The following MTSS1 variants were observed in gnomAD, a reference collection of about 807,000 sequenced individuals.
MTSS1 encodes the protein MTSS I-BAR domain containing 1.
A neutral mutation model predicts 79.0 loss-of-function variants in MTSS1; 18 were observed. The observed-to-expected ratio is 0.23, with a 90% CI of 0.16 to 0.34. The LOEUF is 0.34. Ranked by LOEUF, MTSS1 falls within the 10% of genes least tolerant of loss-of-function variation. MTSS1 has a pLI of 1.00. For missense variants in MTSS1, 815 were observed against 986.2 expected (o/e 0.83, Z 2.33); for synonymous variants, 341 against 368.6 (o/e 0.93, Z 0.86).
At chr8:124,608,486 A>G (rs113174012) in intron 3 of MTSS1, among the ~76,000 whole-genome samples, 2,217 of 152,310 alleles carry the variant, frequency 0.015, 47 homozygotes, top group African/African-American at 0.05. Context: ...GCAGAGAACC[A>G]GTAGGGTCTG....
intron 1 of MTSS1, among the ~76,000 whole-genome samples, chr8:124,712,003 C>T (rs1384630541): frequency 6.9e-6 from 1 of 144,214 alleles, no homozygotes; most frequent in Non-Finnish European, 1.5e-5. Context: ...GCGAGACTGT[C>T]TCAGAAAAAA....
At chr8:124,680,009 ATTTTT>A (rs35099970) in intron 3 of MTSS1, among the ~76,000 whole-genome samples, 1 of 149,342 alleles carries the variant, frequency 6.7e-6, no homozygotes, top group Non-Finnish European at 1.5e-5. Flanking sequence ...CTTCTCCAGA[ATTTTT>A]TTTTTTAATA....
At chr8:124,639,679 G>C (rs1165726484) in intron 3 of MTSS1, among the ~76,000 whole-genome samples, 2 of 152,066 alleles carry the variant, frequency 1.3e-5, no homozygotes, top group Non-Finnish European at 2.9e-5. Flanking sequence ...GCCCAGGCTG[G>C]TTTTGAACTC....
intron 3 of MTSS1, among the ~76,000 whole-genome samples, chr8:124,681,558 C>T (rs1029861193): frequency 1.3e-5 from 2 of 152,130 alleles, no homozygotes; most frequent in South Asian, 2.1e-4. Context: ...GAGGCCAAGG[C>T]GGGTGCATAA....
At chr8:124,613,713 T>C (rs1421881103) in intron 3 of MTSS1, among the ~76,000 whole-genome samples, 1 of 152,220 alleles carries the variant, frequency 6.6e-6, no homozygotes, top group Non-Finnish European at 1.5e-5. Flanking sequence ...ATGGGCATCC[T>C]AAAGTCTGGT....
intron 3 of MTSS1, among the ~76,000 whole-genome samples, chr8:124,602,879 G>A (rs1173334511): frequency 6.6e-6 from 1 of 152,182 alleles, no homozygotes; most frequent in Non-Finnish European, 1.5e-5. Flanking sequence ...ATTGTGCTAC[G>A]AAGTAAAGAG....
chr8:124,711,364 T>A (rs1831133989), intron 1 of MTSS1, among the ~76,000 whole-genome samples: 1 of 152,144 alleles, frequency 6.6e-6, no homozygotes, highest in South Asian at 2.1e-4. Context: ...GCTGCTGTTA[T>A]TTTAGAGCTG....
chr8:124,567,597 G>A (rs1183102450), intron 7 of MTSS1: 1 of 1,389,712 alleles, frequency 7.2e-7, no homozygotes, highest in East Asian at 2.6e-5. Context: ...GACAGTGCCT[G>A]TGTGTTCAAC....
chr8:124,666,116 A>G (rs958635682), intron 3 of MTSS1, among the ~76,000 whole-genome samples: 1 of 152,256 alleles, frequency 6.6e-6, no homozygotes, highest in Non-Finnish European at 1.5e-5. Flanking sequence ...TCACTGCATG[A>G]TAACATTCTG....
At chr8:124,723,437 CA>C (rs1302526442) in intron 1 of MTSS1, among the ~76,000 whole-genome samples, 3 of 152,120 alleles carry the variant, frequency 2.0e-5, no homozygotes, top group African/African-American at 7.2e-5. Context: ...AATTTCAGAA[CA>C]TAAAGGTTCA....
intron 3 of MTSS1, among the ~76,000 whole-genome samples, chr8:124,667,780 T>C (rs771552611): frequency 1.3e-5 from 2 of 152,106 alleles, no homozygotes; most frequent in Non-Finnish European, 2.9e-5. Flanking sequence ...CGAGCTAAGA[T>C]TCAAAGTCTC....
intron 3 of MTSS1, among the ~76,000 whole-genome samples, chr8:124,648,931 A>G (rs1819479365): frequency 6.6e-6 from 1 of 152,260 alleles, no homozygotes; most frequent in African/African-American, 2.4e-5. Flanking sequence ...TACAACATCC[A>G]GCCTCTATGA....
chr8:124,703,441 C>T (rs549520338), intron 2 of MTSS1, among the ~76,000 whole-genome samples: 17 of 152,274 alleles, frequency 1.1e-4, no homozygotes, highest in African/African-American at 3.9e-4. Context: ...TACAGGCACT[C>T]GTCACCATGC....
intron 5 of MTSS1, among the ~76,000 whole-genome samples, chr8:124,588,878 A>T (rs1294310179): frequency 1.3e-5 from 2 of 149,424 alleles, no homozygotes; most frequent in Non-Finnish European, 3.0e-5. Context: ...CCACACCTGG[A>T]TACTTTTTGT....
intron 3 of MTSS1, among the ~76,000 whole-genome samples, chr8:124,601,095 C>T (rs1310223635): frequency 7.9e-6 from 1 of 126,538 alleles, no homozygotes; most frequent in Non-Finnish European, 1.6e-5. Context: ...GAGTCTCACT[C>T]TGTTGCCTAG....
At chr8:124,669,890 T>C (rs1268914437) in intron 3 of MTSS1, among the ~76,000 whole-genome samples, 2 of 152,208 alleles carry the variant, frequency 1.3e-5, no homozygotes, top group Non-Finnish European at 2.9e-5. Context: ...AGCATCCAAA[T>C]ATCTCTGCAG....
intron 10 of MTSS1, among the ~76,000 whole-genome samples, chr8:124,562,000 GT>G (rs1825438503): frequency 6.6e-6 from 1 of 152,172 alleles, no homozygotes; most frequent in Non-Finnish European, 1.5e-5. Context: ...TCTGACATGG[GT>G]TTCCCAGCAG....
chr8:124,644,466 A>G (rs1818642695), intron 3 of MTSS1, among the ~76,000 whole-genome samples: 2 of 152,250 alleles, frequency 1.3e-5, no homozygotes, highest in South Asian at 4.1e-4. Context: ...TGATGCATTT[A>G]CCATTTGAGT....
intron 1 of MTSS1, among the ~76,000 whole-genome samples, chr8:124,714,516 G>A (rs948556805): frequency 2.0e-5 from 3 of 152,176 alleles, no homozygotes; most frequent in African/African-American, 7.2e-5. Context: ...AGGCTGGAGT[G>A]CAGTGGTGCT....
Sources: allele counts gnomAD v4.1 joint callset (sites outside exome capture counted in the v4.1 genomes callset), GRCh38; gene constraint gnomAD v4.1.1; transcripts MANE v1.5; gene names NCBI Gene and HGNC (gene_info 2026-07-23, HGNC 2026-07-21).